The following NAALADL2 variants were observed in gnomAD, a reference collection of about 807,000 sequenced individuals.
The protein encoded by NAALADL2 is N-acetylated alpha-linked acidic dipeptidase like 2.
In NAALADL2, 76 loss-of-function variants were observed where a neutral mutation model predicts 87.2. That is an observed-to-expected ratio of 0.87 (90% CI 0.72 to 1.05). NAALADL2 has a LOEUF of 1.05. Ranked by LOEUF, NAALADL2 falls within the 50% of genes least tolerant of loss-of-function variation. The pLI is 0.00. For synonymous variants in NAALADL2, 354 were observed against 331.0 expected (o/e 1.07, Z -0.75); for missense variants, 1,089 against 945.8 (o/e 1.15, Z -1.99).
intron 10 of NAALADL2, among the ~76,000 whole-genome samples, chr3:175,618,451 C>G (rs941179583): frequency 6.6e-6 from 1 of 152,142 alleles, no homozygotes; most frequent in Non-Finnish European, 1.5e-5. Flanking sequence ...TTCCCTATTC[C>G]CTTGGGATTG....
rs762439948 is a variant in NAALADL2, at chr3:175,471,749, G to A, written c.1644G>A (p.Leu548=). 6 of 1,604,536 alleles carry A rather than the reference G, an allele frequency of 3.7e-6. No homozygotes were observed. The highest frequency in any genetic ancestry group is 1.7e-4 in the Middle Eastern group (1 of 6,020). The change falls in exon 9 of 14, where the codon CTG becomes CTA. Residue 548 remains leucine (L), a synonymous_variant. Transcript: ENST00000454872. ...YPVASPSLQQ[L]VVEKNNFNCT... ...TAGCATCACCATCTCTTCAGCAACT[G>A]GTAGTAGAGGTAAGACAAACCACTA...
At chr3:175,296,768 G>A (rs1216232026) in intron 4 of NAALADL2, among the ~76,000 whole-genome samples, 1 of 152,114 alleles carries the variant, frequency 6.6e-6, no homozygotes, top group South Asian at 2.1e-4. Context: ...ATTTTATTAA[G>A]AAATTGAGTG....
At chr3:175,373,765 A>G (rs921555522) in intron 5 of NAALADL2, among the ~76,000 whole-genome samples, 1 of 152,208 alleles carries the variant, frequency 6.6e-6, no homozygotes, top group Non-Finnish European at 1.5e-5. Context: ...GTGGTACTGT[A>G]TTACACTCCC....
At chr3:175,752,326 G>A (rs1448844815) in intron 12 of NAALADL2, among the ~76,000 whole-genome samples, 2 of 152,068 alleles carry the variant, frequency 1.3e-5, no homozygotes, top group African/African-American at 4.8e-5. Flanking sequence ...GGCACTTTTA[G>A]GTGCTAGGGA....
At chr3:174,712,952 C>A (rs550993912) in intron 2 of NAALADL2, among the ~76,000 whole-genome samples, 9 of 152,198 alleles carry the variant, frequency 5.9e-5, no homozygotes, top group East Asian at 3.9e-4. Context: ...ATGCCTCCCC[C>A]CTCCCCCAAC....
chr3:175,491,616 A>G (rs1243473512), intron 9 of NAALADL2, among the ~76,000 whole-genome samples: 1 of 152,218 alleles, frequency 6.6e-6, no homozygotes, highest in Non-Finnish European at 1.5e-5. Context: ...ATTATTTTCC[A>G]CATTGTTATA....
intron 3 of NAALADL2, among the ~76,000 whole-genome samples, chr3:174,851,495 G>T (rs1725258303): frequency 6.6e-6 from 1 of 151,936 alleles, no homozygotes; most frequent in South Asian, 2.1e-4. Flanking sequence ...GTAACTATAT[G>T]CCAATAAATT....
chr3:175,143,157 A>T (rs1255810632), intron 2 of NAALADL2, among the ~76,000 whole-genome samples: 1 of 151,922 alleles, frequency 6.6e-6, no homozygotes, highest in East Asian at 1.9e-4. Flanking sequence ...GGTTTACGAC[A>T]AGAACTGAAT....
At chr3:174,525,505 G>A (rs144155850) in intron 1 of NAALADL2, among the ~76,000 whole-genome samples, 416 of 152,158 alleles carry the variant, frequency 2.7e-3, no homozygotes, top group Non-Finnish European at 3.9e-3. Flanking sequence ...ATTACCAAGG[G>A]GATGGTGTGA....
chr3:175,013,257 A>G (rs1344870405), intron 1 of NAALADL2, among the ~76,000 whole-genome samples: 1 of 96,772 alleles, frequency 1.0e-5, no homozygotes, highest in African/African-American at 4.9e-5. Flanking sequence ...TATATAATAT[A>G]CATATATTTT....
In NAALADL2 at chr3:174,519,326, C is replaced by CTTTTTTTTTTT. The variant is rs557612913; in HGVS notation, c.-183-31235_-183-31225dup. 7.7e-4 allele frequency among the ~76,000 whole-genome samples: 99 copies of CTTTTTTTTTTT among 128,888 alleles called. 2 individuals carry two copies. The highest frequency in any genetic ancestry group is 2.8e-3 in the African/African-American group (96 of 34,172). The allele number at this position is 128,888 out of a possible 152,430, so 84.6% of individuals were successfully genotyped here. On this transcript the variant is annotated intron_variant, in intron 1 of 3. Coordinates refer to the NAALADL2 transcript ENST00000434257. ...AAACAAGTGAATGAATGAAGATTTC[C>CTTTTTTTTTTT]TTTTTTTTTTTTTTTTTTGAGACAG...
intron 1 of NAALADL2, chr3:174,863,868 G>C (rs1726819736): frequency 3.2e-6 from 1 of 316,930 alleles, no homozygotes; most frequent in Admixed American, 4.5e-5. Context: ...GCTCCTGTTG[G>C]ACCTGTGTTC....
chr3:175,755,675 TG>T (rs1428602546), intron 13 of NAALADL2, among the ~76,000 whole-genome samples: 8 of 151,244 alleles, frequency 5.3e-5, no homozygotes, highest in African/African-American at 2.0e-4. Context: ...GAGTCAAATA[TG>T]ATATGGCCAA....
chr3:175,440,621 T>C (rs1719565661), intron 5 of NAALADL2, among the ~76,000 whole-genome samples: 1 of 152,184 alleles, frequency 6.6e-6, no homozygotes, highest in South Asian at 2.1e-4. Context: ...AGTATATTCC[T>C]AAGTATTTAA....
chr3:175,411,543 A>G (rs1713520506), intron 5 of NAALADL2, among the ~76,000 whole-genome samples: 1 of 152,110 alleles, frequency 6.6e-6, no homozygotes, highest in African/African-American at 2.4e-5. Context: ...GAGACCTCCA[A>G]CTTGTAATAA....
intron 10 of NAALADL2, among the ~76,000 whole-genome samples, chr3:175,621,079 G>A (rs1463327068): frequency 1.3e-5 from 2 of 151,934 alleles, no homozygotes; most frequent in Admixed American, 6.6e-5. Context: ...GGAAAGAGTG[G>A]GCAAACAGGA....
chr3:174,993,382 A>G (rs570669545), intron 1 of NAALADL2, among the ~76,000 whole-genome samples: 6 of 152,214 alleles, frequency 3.9e-5, no homozygotes, highest in African/African-American at 1.4e-4. Flanking sequence ...CACAGGGGTG[A>G]GCAAAACCAG....
chr3:175,247,709 G>C (rs1748243415), intron 3 of NAALADL2, among the ~76,000 whole-genome samples: 1 of 152,140 alleles, frequency 6.6e-6, no homozygotes, highest in Non-Finnish European at 1.5e-5. Flanking sequence ...GATAATGACA[G>C]CAGAGCATTA....
At chr3:174,473,727 A>G (rs376776453) in intron 1 of NAALADL2, among the ~76,000 whole-genome samples, 13 of 152,154 alleles carry the variant, frequency 8.5e-5, no homozygotes, top group African/African-American at 2.7e-4. Context: ...ACTAAAAAAT[A>G]TATGTTCATT....
Sources: gnomAD v4.1 joint callset for allele counts (sites outside exome capture counted in the v4.1 genomes callset) on GRCh38, gnomAD v4.1.1 for gene constraint, MANE v1.5 for transcripts, NCBI Gene and HGNC (gene_info 2026-07-23, HGNC 2026-07-21) for gene names.